The following DDX4 variants were observed in gnomAD, a reference collection of about 807,000 sequenced individuals.
The protein encoded by DDX4 is probable ATP-dependent RNA helicase DDX4.
A neutral mutation model predicts 100.0 loss-of-function variants in DDX4; 25 were observed. That is an observed-to-expected ratio of 0.25 (90% confidence interval 0.18 to 0.35). The LOEUF is 0.35. Ranked by LOEUF, DDX4 falls within the 10% of genes least tolerant of loss-of-function variation. The pLI is 1.00. For missense variants in DDX4, 635 were observed against 882.4 expected (o/e 0.72, Z 3.55); for synonymous variants, 259 against 275.7 (o/e 0.94, Z 0.60).
At chr5:55,786,734 T>G in intron 14 of DDX4, 64 bp downstream of exon 14, 5 of 1,370,004 alleles carry the variant, frequency 3.6e-6, no homozygotes, top group Non-Finnish European at 5.1e-6. Flanking sequence ...CCTTAGTAAC[T>G]TGGTTTCTTC....
At chr5:55,747,165 A>G (rs1424501806) in intron 3 of DDX4, among the ~76,000 whole-genome samples, 4 of 152,066 alleles carry the variant, frequency 2.6e-5, no homozygotes, top group Non-Finnish European at 5.9e-5. Context: ...GGTGAATCAC[A>G]AGGTCAAGAG....
chr5:55,786,412 A>C, intron 13 of DDX4, 106 bp from the exon 14 acceptor site: 1 of 803,360 alleles, frequency 1.2e-6, no homozygotes, highest in Non-Finnish European at 1.9e-6. Flanking sequence ...TTTAGTATAT[A>C]AAGTAGAATT....
In DDX4 at chr5:55,804,658, C is replaced by T. The variant is rs562906667; in HGVS notation, c.1615+6087C>T. On this transcript the variant is annotated intron_variant, in intron 18 of 21. Coordinates refer to ENST00000505374, the MANE Select transcript of DDX4 (RefSeq NM_024415.3). Reference sequence around the variant, plus strand: ...AGATATGCTGCGTTATTTCTGAGGGCTCTGTTCTGTTCCATTGATCTATAT... The same window carrying T: ...AGATATGCTGCGTTATTTCTGAGGGTTCTGTTCTGTTCCATTGATCTATAT... Among the ~76,000 whole-genome samples the T allele has an allele frequency of 9.7e-4, 147 of 152,078 alleles. No individual in the cohort carries two copies. The Middle Eastern group carries it at 0.01, about 11-fold the overall frequency.
At chr5:55,787,487 A>G (rs1742313283) in intron 14 of DDX4, among the ~76,000 whole-genome samples, 1 of 152,154 alleles carries the variant, frequency 6.6e-6, no homozygotes, top group Admixed American at 6.5e-5. Context: ...ATGACCTCAA[A>G]AGGACTAACT....
chr5:55,741,866 G>A (rs532328616), intron 2 of DDX4, among the ~76,000 whole-genome samples: 4 of 151,494 alleles, frequency 2.6e-5, no homozygotes, highest in East Asian at 1.9e-4. Flanking sequence ...CTTTCATTCC[G>A]TTTCTTTTAA....
At chr5:55,760,386 A>G in intron 4 of DDX4, 109 bp downstream of exon 4, 2 of 1,127,966 alleles carry the variant, frequency 1.8e-6, no homozygotes, top group Non-Finnish European at 2.4e-6. Context: ...GTCAGTGTGT[A>G]GTAGACTTGG....
chr5:55,752,554 G>A (rs1287301762), intron 3 of DDX4, among the ~76,000 whole-genome samples: 1 of 145,210 alleles, frequency 6.9e-6, no homozygotes, highest in Admixed American at 7.2e-5. Flanking sequence ...TGGTGTATAT[G>A]TGCCACATTT....
In DDX4 at chr5:55,785,825, C is replaced by G; in HGVS notation, c.818C>G (p.Thr273Ser). The G allele has an allele frequency of 2.5e-6, 4 of 1,610,094 alleles. No individual in the cohort carries two copies. The South Asian group carries it at 4.4e-5, about 18-fold the overall frequency. Reference protein sequence around the residue: ...QTGINFDKYDTILVEVSGHDA... With the variant: ...QTGINFDKYDSILVEVSGHDA... ...GGCATAAACTTCGACAAATACGACA[C>G]TATTCTTGTGGAAGTGTCTGGACAT... Residue 273 changes from threonine to serine, a missense_variant, in exon 13 of 22, where the codon ACT becomes AGT. Thr to Ser is a moderately conservative substitution (Grantham distance 58). This residue lies in a region of DDX4 where 446 missense variants were observed against 540.8 expected (regional missense o/e 0.82). Transcript: ENST00000505374.
chr5:55,744,203 G>A (rs1408021104), intron 2 of DDX4, among the ~76,000 whole-genome samples: 1 of 152,134 alleles, frequency 6.6e-6, no homozygotes, highest in Non-Finnish European at 1.5e-5. Flanking sequence ...AGAAATTTTA[G>A]CAAATAGATG....
intron 18 of DDX4, among the ~76,000 whole-genome samples, chr5:55,807,987 T>A (rs1743858970): frequency 6.6e-6 from 1 of 152,204 alleles, no homozygotes; most frequent in South Asian, 2.1e-4. Context: ...TTTCACATAG[T>A]CCCATATTTC....
At chr5:55,738,824 C>T in intron 1 of DDX4, 126 bp from the exon 2 acceptor site, 1 of 667,524 alleles carries the variant, frequency 1.5e-6, no homozygotes, top group Non-Finnish European at 2.6e-6. Flanking sequence ...TTGGAAAAAA[C>T]TTTTGGGGTA....
At position 55,785,866 on chromosome 5, in the gene DDX4, A is replaced by C; in HGVS notation, c.859A>C (p.Ile287Leu). Residue 287 changes from isoleucine to leucine, a missense_variant, in exon 13 of 22, where the codon ATT becomes CTT. Physicochemically the swap from Ile to Leu is conservative, Grantham distance 5. Around this residue, in one of 4 missense-constraint regions of DDX4, gnomAD observed 446 missense variants for 540.8 expected, o/e 0.82. Coordinates refer to ENST00000505374, the MANE Select transcript of DDX4 (RefSeq NM_024415.3). ...EVSGHDAPPA[I>L]LTFEEANLCQ... Reference sequence around the variant, plus strand: ...GTCTGGACATGATGCACCACCAGCAATTCTGGTCAGTGTATTAATTGTTTC... The same window carrying C: ...GTCTGGACATGATGCACCACCAGCACTTCTGGTCAGTGTATTAATTGTTTC... 1 of 1,606,080 alleles carries C rather than the reference A, an allele frequency of 6.2e-7. No homozygotes were observed. Among genetic ancestry groups the C allele is most frequent in the Non-Finnish European group, 8.5e-7 (1 of 1,172,930 alleles).
chr5:55,813,186 G>A (rs1744211221), intron 18 of DDX4, among the ~76,000 whole-genome samples: 1 of 152,044 alleles, frequency 6.6e-6, no homozygotes. Context: ...GAAGGGATTT[G>A]AATTAGAGAT....
At chr5:55,772,082 A>C (rs1193502345) in intron 7 of DDX4, among the ~76,000 whole-genome samples, 1 of 152,112 alleles carries the variant, frequency 6.6e-6, no homozygotes, top group African/African-American at 2.4e-5. Flanking sequence ...AGCTGGGCGC[A>C]TGCCTGTAGT....
At chr5:55,757,147 A>C (rs1040649043) in intron 3 of DDX4, among the ~76,000 whole-genome samples, 11 of 152,128 alleles carry the variant, frequency 7.2e-5, no homozygotes, top group African/African-American at 2.7e-4. Context: ...TTTGGGGAAC[A>C]GGTGGTGTTT....
intron 4 of DDX4, among the ~76,000 whole-genome samples, chr5:55,760,731 G>T (rs1222431124): frequency 1.3e-5 from 2 of 152,068 alleles, no homozygotes; most frequent in Non-Finnish European, 2.9e-5. Context: ...GCCATTATTG[G>T]ATTTTTAAAT....
In DDX4 at chr5:55,785,294, T is replaced by C; in HGVS notation, c.626-3T>C. On this transcript the variant is annotated splice_polypyrimidine_tract_variant and splice_region_variant and intron_variant, in intron 10 of 21. Transcript: ENST00000505374. ...GATTGTCACTTATGAATTTCTTTAA[T>C]AGGTGGTTACAAAGGTTTAAATGAA... 2 of 1,586,862 alleles carry C rather than the reference T, an allele frequency of 1.3e-6. No homozygotes were observed. The highest frequency in any genetic ancestry group is 1.7e-4 in the Middle Eastern group (1 of 5,916).
At chr5:55,757,651 T>C (rs945372038) in intron 3 of DDX4, among the ~76,000 whole-genome samples, 8 of 152,218 alleles carry the variant, frequency 5.3e-5, no homozygotes, top group Admixed American at 2.6e-4. Context: ...GTGACTTTAT[T>C]GTAGAATCTT....
chr5:55,738,232 C>CG (rs1758796341), intron 1 of DDX4, 131 bp downstream of exon 1: 1 of 152,314 alleles, frequency 6.6e-6, no homozygotes, highest in African/African-American at 2.4e-5. Flanking sequence ...CTTTCTGCCT[C>CG]GGGGTCTCAG....
Sources: gnomAD v4.1 joint callset for allele counts (sites outside exome capture counted in the v4.1 genomes callset) on GRCh38, gnomAD v4.1.1 for gene constraint, gnomAD v4.1.1 regional missense constraint, MANE v1.5 for transcripts, NCBI Gene and HGNC (gene_info 2026-07-23, HGNC 2026-07-21) for gene names.